The following ARSJ variants were observed in gnomAD, a reference collection of about 807,000 sequenced individuals.
ARSJ encodes the protein arylsulfatase family member J.
A neutral mutation model predicts 35.9 loss-of-function variants in ARSJ; 26 were observed. That is an observed-to-expected ratio of 0.72 (90% confidence interval 0.53 to 1.00). ARSJ has a LOEUF of 1.00. Among genes scored for constraint, ARSJ ranks in the 50% least tolerant of loss-of-function variants. The pLI is 0.00. For missense variants in ARSJ, 667 were observed against 723.6 expected (o/e 0.92, Z 0.90); for synonymous variants, 294 against 267.6 (o/e 1.10, Z -0.96).
intron 1 of ARSJ, among the ~76,000 whole-genome samples, chr4:113,916,494 G>A (rs1173381799): frequency 6.6e-6 from 1 of 150,412 alleles, no homozygotes; most frequent in African/African-American, 2.4e-5. Context: ...TTATAAAAAT[G>A]CTAGTTATAA....
Position 113,902,182 on chromosome 4 carries a change from C to G in ARSJ, c.*92G>C, listed in dbSNP as rs2099667281. 6.3e-7 allele frequency: 1 copy of G among 1,598,978 alleles called. No individual in the cohort carries two copies. On this transcript the variant is annotated 3_prime_UTR_variant, in exon 2 of 2. Coordinates refer to ENST00000315366, the MANE Select transcript of ARSJ (RefSeq NM_024590.4). ...AAAACAAGCCTGACGCTTAGGCCAG[C>G]GATATTATCGAGCCAAATTTGCTGG...
chr4:113,952,603 T>C (rs796250479), intron 1 of ARSJ, among the ~76,000 whole-genome samples: 4 of 152,174 alleles, frequency 2.6e-5, no homozygotes, highest in East Asian at 3.9e-4. Context: ...GTTAAACGCT[T>C]GGGTGAGGTA....
At chr4:113,952,843 G>A (rs975922079) in intron 1 of ARSJ, among the ~76,000 whole-genome samples, 3 of 152,040 alleles carry the variant, frequency 2.0e-5, no homozygotes, top group African/African-American at 7.2e-5. Flanking sequence ...CACTCAGTTG[G>A]AAGACACATC....
At chr4:113,916,871 T>C (rs1368187857) in intron 1 of ARSJ, among the ~76,000 whole-genome samples, 3 of 152,210 alleles carry the variant, frequency 2.0e-5, no homozygotes, top group African/African-American at 7.2e-5. Context: ...ACTTTATTTT[T>C]ACAAAACAAT....
chr4:113,903,824 T>C, intron 1 of ARSJ, 149 bp from the exon 2 acceptor site: 1 of 1,124,998 alleles, frequency 8.9e-7, no homozygotes, highest in Non-Finnish European at 1.2e-6. Context: ...TCAGCATTTC[T>C]GCTCTTTACT....
chr4:113,948,755 A>T (rs1434403586), intron 1 of ARSJ, among the ~76,000 whole-genome samples: 1 of 152,118 alleles, frequency 6.6e-6, no homozygotes, highest in African/African-American at 2.4e-5. Context: ...ACAATCCAGC[A>T]CTGTGACATG....
At chr4:113,924,056 AATATAT>A (rs1172585833) in intron 1 of ARSJ, among the ~76,000 whole-genome samples, 1 of 91,712 alleles carries the variant, frequency 1.1e-5, no homozygotes, top group African/African-American at 4.8e-5. Context: ...AATATATATA[AATATAT>A]ATAAATATAT....
Position 113,974,071 on chromosome 4 carries a change from G to A in ARSJ, c.398+4366C>T, listed in dbSNP as rs866557777. On this transcript the variant is annotated intron_variant, in intron 1 of 1. Transcript: ENST00000315366. ...ATGGTCTTTTTAATAAACAGTGTGG[G>A]TCAAATGGGTATACACATGGAAAAA... is the stretch of plus-strand genomic sequence containing the variant. Among the ~76,000 whole-genome samples the A allele has an allele frequency of 3.2e-4, 49 of 152,164 alleles. No homozygotes were observed. In the Middle Eastern group the frequency reaches 0.014, roughly 42 times the overall value.
At chr4:113,906,646 G>A (rs2099668829) in intron 1 of ARSJ, 3 of 443,332 alleles carry the variant, frequency 6.8e-6, no homozygotes, top group Non-Finnish European at 1.4e-5. Flanking sequence ...AAGGGTGTAG[G>A]TTTTGGAATC....
At chr4:113,965,974 A>G (rs989350653) in intron 1 of ARSJ, among the ~76,000 whole-genome samples, 4 of 151,992 alleles carry the variant, frequency 2.6e-5, no homozygotes, top group African/African-American at 9.7e-5. Context: ...ATAATGTTCA[A>G]CTCCAAAGGT....
chr4:113,950,737 T>C (rs1725814904), intron 1 of ARSJ, among the ~76,000 whole-genome samples: 1 of 152,108 alleles, frequency 6.6e-6, no homozygotes. Context: ...GTGACTGTAT[T>C]CTCTTTATTT....
chr4:113,903,047 C>T lies in ARSJ; in HGVS notation c.1027G>A (p.Gly343Ser). The T allele has an allele frequency of 6.2e-7, 1 of 1,614,148 alleles. No homozygotes were observed. Residue 343 changes from glycine to serine, a missense_variant, in exon 2 of 2, where the codon GGT (glycine) becomes AGT (serine). By Grantham distance (56) the Gly-to-Ser change is moderately conservative (BLOSUM62 0). Transcript: ENST00000315366. ...CCTTCCCAATATGTTCCTTTGCTACCTCTGAGAGGCCAGTTACTCCCTCCT... is the reference window on the plus strand; with the variant it reads ...CCTTCCCAATATGTTCCTTTGCTACTTCTGAGAGGCCAGTTACTCCCTCCT... ...TAGGSNWPLR[G>S]SKGTYWEGGI...
At position 113,978,771 on chromosome 4, in the gene ARSJ, C is replaced by G. The variant is rs377189260; in HGVS notation, c.64G>C (p.Gly22Arg). 4 of 1,614,116 alleles carry G rather than the reference C, an allele frequency of 2.5e-6. No homozygotes were observed. In the African/African-American group the frequency reaches 5.3e-5, roughly 22 times the overall value. Residue 22 changes from glycine to arginine, a missense_variant, in exon 1 of 2, where the codon GGA becomes CGA. Coordinates refer to ENST00000315366, the MANE Select transcript of ARSJ (RefSeq NM_024590.4). ...PPSPQACVCP[G>R]KMLAMGALAG... is the part of the protein sequence containing the mutation. ...AGCGCCCCCATTGCTAGCATCTTTC[C>G]AGGACAGACACAGGCCTGTGGAGAA... is the stretch of plus-strand genomic sequence containing the variant.
intron 1 of ARSJ, among the ~76,000 whole-genome samples, chr4:113,909,589 C>T (rs778776092): frequency 3.9e-5 from 6 of 152,144 alleles, no homozygotes; most frequent in Non-Finnish European, 8.8e-5. Flanking sequence ...AGGTGCTTCC[C>T]CTTTCGGTTG....
chr4:113,901,936 G>T lies in ARSJ; in HGVS notation c.*338C>A. 2 of 324,488 alleles carry T rather than the reference G, an allele frequency of 6.2e-6. No homozygotes were observed. Among genetic ancestry groups the T allele is most frequent in the South Asian group, 3.2e-5 (1 of 31,528 alleles). 20.1% of individuals were successfully genotyped at this position (324,488 alleles called of 1,614,324 possible). On this transcript the variant is annotated 3_prime_UTR_variant, in exon 2 of 2. Transcript: ENST00000315366. ...CATCAAATTAGCATGCTTGCGGATGGTAGGTTATTGTTCTCCTCCTATAAT... is the reference window on the plus strand; with the variant it reads ...CATCAAATTAGCATGCTTGCGGATGTTAGGTTATTGTTCTCCTCCTATAAT...
chr4:113,972,572 C>T (rs1286118343), intron 1 of ARSJ, among the ~76,000 whole-genome samples: 1 of 152,046 alleles, frequency 6.6e-6, no homozygotes, highest in Non-Finnish European at 1.5e-5. Context: ...TGCGGTGGCC[C>T]AATCATAACT....
chr4:113,924,928 G>T (rs1050042240), intron 1 of ARSJ, among the ~76,000 whole-genome samples: 5 of 151,852 alleles, frequency 3.3e-5, no homozygotes, highest in African/African-American at 9.7e-5. Context: ...GCAGGTTGTG[G>T]TTTTTTTTCC....
intron 1 of ARSJ, among the ~76,000 whole-genome samples, chr4:113,907,319 A>C (rs2099669049): frequency 6.6e-6 from 1 of 152,242 alleles, no homozygotes; most frequent in Non-Finnish European, 1.5e-5. Flanking sequence ...GGACAAAGTC[A>C]AAAAAGAAAA....
At chr4:113,963,905 T>C (rs1423974768) in intron 1 of ARSJ, among the ~76,000 whole-genome samples, 1 of 152,060 alleles carries the variant, frequency 6.6e-6, no homozygotes, top group African/African-American at 2.4e-5. Context: ...AGCTACATCA[T>C]GGGTTTGAGG....
Sources: gnomAD v4.1 joint callset for allele counts (sites outside exome capture counted in the v4.1 genomes callset) on GRCh38, gnomAD v4.1.1 for gene constraint, MANE v1.5 for transcripts, NCBI Gene and HGNC (gene_info 2026-07-23, HGNC 2026-07-21) for gene names.